Variants in IST1 observed in about 807,000 individuals in gnomAD.
The protein encoded by IST1 is IST1 factor associated with ESCRT-III.
Under a neutral mutation model 37.0 loss-of-function variants are expected in IST1, and 23 were observed. That is an observed-to-expected ratio of 0.62 (90% CI 0.45 to 0.88). The LOEUF (loss-of-function observed/expected upper bound fraction) is 0.88. IST1 is among the 40% of genes least tolerant of loss of function. IST1 has a pLI of 0.00. For missense variants in IST1, 488 were observed against 445.4 expected, an observed-to-expected ratio of 1.10 and a Z score of -0.86; for synonymous variants, 180 against 161.7, an observed-to-expected ratio of 1.11 and a Z score of -0.86.
chr16:71,900,183 A>G (rs1051174048), intron 1 of IST1, among the ~76,000 whole-genome samples: 2 of 146,154 alleles, frequency 1.4e-5, no homozygotes, highest in Admixed American at 1.4e-4. Context: ...AAAAAAAAAG[A>G]TCAGAATAAA....
At chr16:71,919,261 C>T (rs896472690) in intron 4 of IST1, among the ~76,000 whole-genome samples, 8 of 152,240 alleles carry the variant, frequency 5.3e-5, no homozygotes, top group Non-Finnish European at 1.0e-4. Flanking sequence ...GGCCTCTGCA[C>T]TAGAGGCTCA....
Position 71,927,948 on chromosome 16 carries a change from C to A in IST1, c.*135C>A. ...CACAACACTCCCTCTGGGCTCTCTT[C>A]CTGCTCCTCCAGATTCTGCTGCTTT... On this transcript the variant is annotated 3_prime_UTR_variant, in exon 10 of 10. Coordinates refer to ENST00000378799, the MANE Select transcript of IST1 (RefSeq NM_001270975.2). 1.5e-6 allele frequency: 1 copy of A among 659,720 alleles called. No individual in the cohort carries two copies. The highest frequency in any genetic ancestry group is 2.7e-6 in the Non-Finnish European group (1 of 376,060). 40.9% of individuals were successfully genotyped at this position (659,720 alleles called of 1,614,324 possible). A position where few individuals can be genotyped will look rare whatever the true frequency, so the allele number is the denominator to read the frequency against.
intron 9 of IST1, among the ~76,000 whole-genome samples, chr16:71,926,413 G>T (rs529565654): frequency 1.3e-5 from 2 of 151,082 alleles, no homozygotes; most frequent in African/African-American, 4.9e-5. Context: ...GCGTGATCTC[G>T]GCTCATTGCA....
intron 5 of IST1, 70 bp downstream of exon 5, chr16:71,920,892 C>G: frequency 9.5e-7 from 1 of 1,052,242 alleles, no homozygotes; most frequent in Non-Finnish European, 1.5e-6. Context: ...TGTGGCAATT[C>G]TAGTGGGTAC....
chr16:71,895,147 C>T (rs926569488), upstream of IST1: 1 of 269,920 alleles, frequency 3.7e-6, no homozygotes, highest in South Asian at 4.7e-5. Context: ...GGGAGCAACT[C>T]CCGGCGTCAG....
At chr16:71,910,434 G>A (rs534857000) in intron 1 of IST1, among the ~76,000 whole-genome samples, 18 of 151,970 alleles carry the variant, frequency 1.2e-4, no homozygotes, top group African/African-American at 3.9e-4. Flanking sequence ...GTGAAACCCC[G>A]TCTCTACTAA....
intron 8 of IST1, 33 bp downstream of exon 8, chr16:71,923,413 G>T: frequency 7.5e-7 from 1 of 1,341,034 alleles, no homozygotes; most frequent in Non-Finnish European, 1.1e-6. Context: ...TAAGCAACAG[G>T]AGAGTGAATG....
At position 71,928,844 on chromosome 16, in the gene IST1, G is replaced by A. The variant is rs1186582310; in HGVS notation, c.*1031G>A. The A allele has an allele frequency of 1.3e-5, 2 of 152,238 alleles. No individual in the cohort carries two copies. Among genetic ancestry groups the A allele is most frequent in the Non-Finnish European group, 2.9e-5 (2 of 68,062 alleles). 9.4% of individuals were successfully genotyped at this position (152,238 alleles called of 1,614,324 possible). A position where few individuals can be genotyped will look rare whatever the true frequency, so the allele number is the denominator to read the frequency against. Reference sequence around the variant, plus strand: ...TGTTACTCCTTTGGCCCATAGCTAAGGTCATCCTTCCCCACAGGGGTGGCT... The same window carrying A: ...TGTTACTCCTTTGGCCCATAGCTAAAGTCATCCTTCCCCACAGGGGTGGCT... On this transcript the variant is annotated 3_prime_UTR_variant, in exon 10 of 10. Coordinates refer to ENST00000378799, the MANE Select transcript of IST1 (RefSeq NM_001270975.2).
chr16:71,900,729 T>C (rs1347268528), intron 1 of IST1, among the ~76,000 whole-genome samples: 1 of 152,170 alleles, frequency 6.6e-6, no homozygotes, highest in Non-Finnish European at 1.5e-5. Context: ...TTCATAACCA[T>C]TTTTTAGAGT....
chr16:71,902,253 T>A (rs1223337850), intron 1 of IST1, among the ~76,000 whole-genome samples: 1 of 152,146 alleles, frequency 6.6e-6, no homozygotes, highest in Non-Finnish European at 1.5e-5. Flanking sequence ...TCTTTGGGAA[T>A]GGTTCTTAAT....
chr16:71,927,381 C>T (rs538817241), intron 9 of IST1, among the ~76,000 whole-genome samples: 2 of 151,464 alleles, frequency 1.3e-5, no homozygotes, highest in African/African-American at 2.4e-5. Context: ...CCCAGCTACT[C>T]AGGAGGCTGA....
intron 5 of IST1, 34 bp downstream of exon 5, chr16:71,920,856 G>A: frequency 1.4e-6 from 2 of 1,466,088 alleles, no homozygotes; most frequent in Non-Finnish European, 1.9e-6. Flanking sequence ...TGAAGGCAGT[G>A]TGTGGGAGCA....
At chr16:71,927,494 A>G in intron 9 of IST1, 120 bp from the exon 10 acceptor site, 1 of 778,854 alleles carries the variant, frequency 1.3e-6, no homozygotes, top group East Asian at 2.5e-5. Context: ...CTCAAAAAAA[A>G]AAAAAAAAGT....
chr16:71,928,326 C>G lies in IST1; in HGVS notation c.*513C>G. 6.0e-6 allele frequency: 1 copy of G among 166,214 alleles called. No homozygotes were observed. The highest frequency in any genetic ancestry group is 1.3e-5 in the Non-Finnish European group (1 of 76,520). The allele number at this position is 166,214 out of a possible 1,614,324, so 10.3% of individuals were successfully genotyped here. A position where few individuals can be genotyped will look rare whatever the true frequency, so the allele number is the denominator to read the frequency against. ...GTGGGAGAGGGAAAATGACTCGGGA[C>G]GCCATTGTAACGGTTCCTGGAAGCT... On this transcript the variant is annotated 3_prime_UTR_variant, in exon 10 of 10. Transcript: ENST00000378799.
upstream of IST1, chr16:71,895,056 G>C (rs978495543): frequency 1.7e-5 from 8 of 477,152 alleles, no homozygotes; most frequent in African/African-American, 1.4e-4. Context: ...TGGGTGAAGA[G>C]TCAGGGATAC....
chr16:71,921,659 A>C (rs1023891019), intron 6 of IST1: 4 of 497,862 alleles, frequency 8.0e-6, no homozygotes, highest in Non-Finnish European at 1.4e-5. Flanking sequence ...GAAGGTCAAA[A>C]CCTTGATACA....
At chr16:71,897,880 C>T (rs999686592) in intron 1 of IST1, among the ~76,000 whole-genome samples, 3 of 152,106 alleles carry the variant, frequency 2.0e-5, no homozygotes, top group Admixed American at 6.5e-5. Context: ...ACCCGAGAGG[C>T]GGAGGTTGCA....
chr16:71,916,405 G>A, intron 2 of IST1, 57 bp from the exon 3 acceptor site: 1 of 1,551,962 alleles, frequency 6.4e-7, no homozygotes, highest in Non-Finnish European at 8.8e-7. Flanking sequence ...AGATTGGCCT[G>A]TAGGCCAGAT....
chr16:71,923,421 A>G (rs746089533), intron 8 of IST1, 41 bp downstream of exon 8: 3 of 1,297,506 alleles, frequency 2.3e-6, no homozygotes, highest in South Asian at 1.2e-5. Flanking sequence ...AGGAGAGTGA[A>G]TGCCATGAAG....
Sources: gnomAD v4.1 joint callset for allele counts (sites outside exome capture counted in the v4.1 genomes callset) on GRCh38, gnomAD v4.1.1 for gene constraint, MANE v1.5 for transcripts, NCBI Gene and HGNC (gene_info 2026-07-23, HGNC 2026-07-21) for gene names.